Variants in LRRC4C observed in about 807,000 individuals in gnomAD.
LRRC4C encodes leucine-rich repeat-containing protein 4C.
A neutral mutation model predicts 33.6 loss-of-function variants in LRRC4C; 5 were observed. The observed-to-expected ratio is 0.15, with a 90% confidence interval of 0.08 to 0.31. LRRC4C has a LOEUF of 0.31. Among genes scored for constraint, LRRC4C ranks in the 10% least tolerant of loss-of-function variants. LRRC4C has a pLI of 1.00. For missense variants in LRRC4C, 560 were observed against 796.7 expected (o/e 0.70, Z 3.58); for synonymous variants, 329 against 302.0 (o/e 1.09, Z -0.93).
intron 1 of LRRC4C, among the ~76,000 whole-genome samples, chr11:41,368,242 G>C (rs1413625734): frequency 6.6e-6 from 1 of 152,100 alleles, no homozygotes; most frequent in Non-Finnish European, 1.5e-5. Flanking sequence ...CAACCAAGCA[G>C]AATGAGATAC....
At chr11:41,234,176 C>A (rs1947922579) in intron 1 of LRRC4C, among the ~76,000 whole-genome samples, 1 of 151,970 alleles carries the variant, frequency 6.6e-6, no homozygotes, top group Non-Finnish European at 1.5e-5. Context: ...CATACCTAAT[C>A]CATTTCCAAG....
chr11:40,750,352 T>C (rs1948622057), intron 2 of LRRC4C, among the ~76,000 whole-genome samples: 1 of 152,170 alleles, frequency 6.6e-6, no homozygotes, highest in African/African-American at 2.4e-5. Context: ...TAACTCATTC[T>C]ATGAAGCCAG....
At chr11:41,237,476 T>C (rs1182290400) in intron 1 of LRRC4C, among the ~76,000 whole-genome samples, 1 of 152,168 alleles carries the variant, frequency 6.6e-6, no homozygotes, top group Non-Finnish European at 1.5e-5. Flanking sequence ...GAATTCAGAA[T>C]AGAAAAGCTG....
At chr11:40,405,608 CA>C (rs71060958) in intron 3 of LRRC4C, among the ~76,000 whole-genome samples, 427 of 70,824 alleles carry the variant, frequency 6.0e-3, no homozygotes, top group African/African-American at 0.017. Context: ...ACACTCTATC[CA>C]AAAAAAAAAA....
intron 2 of LRRC4C, among the ~76,000 whole-genome samples, chr11:40,651,033 A>T (rs1942765897): frequency 6.6e-6 from 1 of 152,178 alleles, no homozygotes; most frequent in Non-Finnish European, 1.5e-5. Flanking sequence ...ATCCCATCTT[A>T]ATAGAACATT....
At chr11:40,731,143 C>A (rs1176955020) in intron 2 of LRRC4C, among the ~76,000 whole-genome samples, 1 of 152,058 alleles carries the variant, frequency 6.6e-6, no homozygotes, top group Non-Finnish European at 1.5e-5. Context: ...CATGGTGAAA[C>A]CCCGTCTCTA....
At chr11:40,248,276 C>T (rs1055758812) in intron 4 of LRRC4C, among the ~76,000 whole-genome samples, 1 of 152,264 alleles carries the variant, frequency 6.6e-6, no homozygotes, top group Non-Finnish European at 1.5e-5. Context: ...CATTCATGTT[C>T]CTAAGATAGT....
intron 1 of LRRC4C, among the ~76,000 whole-genome samples, chr11:40,943,819 TA>T (rs1478651740): frequency 6.6e-6 from 1 of 152,146 alleles, no homozygotes; most frequent in Non-Finnish European, 1.5e-5. Context: ...TTAAAACCCA[TA>T]AAAACCGGAC....
intron 3 of LRRC4C, among the ~76,000 whole-genome samples, chr11:40,507,024 A>G (rs1272942956): frequency 2.0e-5 from 3 of 152,118 alleles, no homozygotes; most frequent in Admixed American, 6.5e-5. Context: ...ATCCTAGTTT[A>G]ATCAAGATGT....
chr11:41,040,162 G>T (rs867435448), intron 1 of LRRC4C, among the ~76,000 whole-genome samples: 6 of 144,888 alleles, frequency 4.1e-5, no homozygotes, highest in African/African-American at 1.3e-4. Context: ...AAAAAAGTAT[G>T]ACTTGAACTG....
At chr11:40,132,820 G>A (rs1046220130) in intron 6 of LRRC4C, among the ~76,000 whole-genome samples, 5 of 151,880 alleles carry the variant, frequency 3.3e-5, no homozygotes, top group Admixed American at 6.6e-5. Flanking sequence ...TTAGCTTCTC[G>A]GGATGCACAA....
chr11:41,149,467 G>A (rs1245889533), intron 1 of LRRC4C, among the ~76,000 whole-genome samples: 6 of 134,368 alleles, frequency 4.5e-5, no homozygotes, highest in Admixed American at 1.7e-4. Context: ...CCGAGATCCC[G>A]CCACTGCACT....
intron 1 of LRRC4C, among the ~76,000 whole-genome samples, chr11:40,967,370 C>T (rs909956273): frequency 2.0e-5 from 3 of 152,028 alleles, no homozygotes; most frequent in Non-Finnish European, 2.9e-5. Flanking sequence ...CATAAGCATA[C>T]TTGTATCTTT....
At chr11:41,145,846 A>G (rs1746503926) in intron 1 of LRRC4C, among the ~76,000 whole-genome samples, 1 of 152,176 alleles carries the variant, frequency 6.6e-6, no homozygotes, top group South Asian at 2.1e-4. Flanking sequence ...TGCAGATTTA[A>G]TAGTTTCCAC....
intron 3 of LRRC4C, among the ~76,000 whole-genome samples, chr11:40,326,313 C>T (rs560021856): frequency 7.5e-4 from 114 of 152,164 alleles, no homozygotes; most frequent in African/African-American, 2.4e-3. Context: ...CCTGTAATCC[C>T]AGCACTTTGG....
At chr11:40,931,574 T>C (rs953902887) in intron 2 of LRRC4C, among the ~76,000 whole-genome samples, 7 of 152,072 alleles carry the variant, frequency 4.6e-5, no homozygotes, top group African/African-American at 1.7e-4. Flanking sequence ...TTGTTTATCA[T>C]AGAGCCCCAA....
At chr11:40,330,028 A>C (rs1202542213) in intron 3 of LRRC4C, among the ~76,000 whole-genome samples, 1 of 152,160 alleles carries the variant, frequency 6.6e-6, no homozygotes, top group Non-Finnish European at 1.5e-5. Flanking sequence ...GGCGTGAGCC[A>C]CCATGCCTGG....
At position 41,432,806 on chromosome 11, in the gene LRRC4C, T is replaced by C. The variant is rs377420959; in HGVS notation, c.-496+26625A>G. 4.6e-5 allele frequency among the ~76,000 whole-genome samples: 7 copies of C among 152,178 alleles called. No individual in the cohort carries two copies. In the South Asian group the frequency reaches 1.2e-3, roughly 27 times the overall value. On this transcript the variant is annotated intron_variant, in intron 1 of 6. Coordinates refer to ENST00000528697, the MANE Select transcript of LRRC4C (RefSeq NM_001258419.2). The stretch of plus-strand genomic sequence containing the variant: ...GACCAAAATCAGGGCTGGCATCATT[T>C]TTCCCCCCTGTGGTGGAGAAGTACT...
intron 3 of LRRC4C, among the ~76,000 whole-genome samples, chr11:40,410,960 T>C (rs1422318573): frequency 6.6e-6 from 1 of 152,082 alleles, no homozygotes; most frequent in Non-Finnish European, 1.5e-5. Context: ...GTTAAAGCCA[T>C]ATCACCACAT....
Sources: gnomAD v4.1 joint callset for allele counts (sites outside exome capture counted in the v4.1 genomes callset) on GRCh38, gnomAD v4.1.1 for gene constraint, MANE v1.5 for transcripts, NCBI Gene and HGNC (gene_info 2026-07-23, HGNC 2026-07-21) for gene names.